CNTLN: variants seen among roughly 807,000 people sequenced by gnomAD.
CNTLN encodes the protein centlein, also known as centlein, centrosomal protein.
CNTLN carries 212 observed loss-of-function variants against 180.0 expected under a neutral mutation model. The ratio of observed to expected loss-of-function variants is 1.18; its 90% CI spans 1.05 to 1.32. The LOEUF (loss-of-function observed/expected upper bound fraction) is 1.32. CNTLN is among the 40% of genes most tolerant of loss of function. The pLI, the probability that CNTLN is intolerant of heterozygous loss-of-function variation, is 0.00. For synonymous variants in CNTLN, 722 were observed against 563.1 expected (o/e 1.28, Z -3.99); for missense variants, 2,095 against 1,610.9 (o/e 1.30, Z -5.14).
chr9:17,302,222 T>C (rs1480840331), intron 7 of CNTLN, among the ~76,000 whole-genome samples: 1 of 150,710 alleles, frequency 6.6e-6, no homozygotes, highest in African/African-American at 2.5e-5. Flanking sequence ...TTTTTGACAG[T>C]GTCTCACTCT....
At chr9:17,405,202 T>C (rs1477008821) in intron 15 of CNTLN, among the ~76,000 whole-genome samples, 2 of 151,728 alleles carry the variant, frequency 1.3e-5, no homozygotes, top group Non-Finnish European at 1.5e-5. Flanking sequence ...CTCACTGATA[T>C]TTAACTTCAG....
At chr9:17,232,855 T>C (rs969212281) in intron 3 of CNTLN, among the ~76,000 whole-genome samples, 1 of 151,878 alleles carries the variant, frequency 6.6e-6, no homozygotes, top group South Asian at 2.1e-4. Context: ...GGAAGTCGAG[T>C]CTTAAAGGGG....
At chr9:17,244,309 T>C (rs1356099259) in intron 5 of CNTLN, among the ~76,000 whole-genome samples, 3 of 151,902 alleles carry the variant, frequency 2.0e-5, no homozygotes, top group Non-Finnish European at 2.9e-5. Context: ...CCTCCTAGGC[T>C]CAAGCAATCC....
rs539582856 is a variant in CNTLN at position 17,174,644 on chromosome 9, C to T, written c.449+31268C>T. On this transcript the variant is annotated intron_variant, in intron 2 of 25. Transcript: ENST00000380647. ...CCGGGAGGCGGAGGTTGCAGTGAGC[C>T]GAGATTGTGCCACTGCACTCCAGCC... Among the ~76,000 whole-genome samples the T allele has an allele frequency of 1.5e-4, 23 of 150,814 alleles. No homozygotes were observed. The East Asian group carries it at 3.3e-3, about 22-fold the overall frequency.
At chr9:17,161,362 A>ATT (rs1340775222) in intron 2 of CNTLN, among the ~76,000 whole-genome samples, 3 of 152,136 alleles carry the variant, frequency 2.0e-5, no homozygotes, top group Non-Finnish European at 4.4e-5. Context: ...TTTCCTTGCT[A>ATT]TTATATATAA....
At chr9:17,400,852 A>G (rs1826917990) in intron 15 of CNTLN, among the ~76,000 whole-genome samples, 1 of 152,128 alleles carries the variant, frequency 6.6e-6, no homozygotes, top group Admixed American at 6.6e-5. Context: ...GTGTAGTCTC[A>G]CATAACAAAG....
chr9:17,187,037 T>G (rs1821474500), intron 2 of CNTLN, among the ~76,000 whole-genome samples: 1 of 152,066 alleles, frequency 6.6e-6, no homozygotes, highest in African/African-American at 2.4e-5. Flanking sequence ...ATACTTTACC[T>G]TGACCAGCAA....
intron 16 of CNTLN, among the ~76,000 whole-genome samples, chr9:17,414,005 G>C (rs1202780419): frequency 6.6e-6 from 1 of 152,190 alleles, no homozygotes; most frequent in African/African-American, 2.4e-5. Context: ...TGGTACATCT[G>C]TAACACAGGA....
intron 12 of CNTLN, among the ~76,000 whole-genome samples, chr9:17,357,516 A>G (rs964221166): frequency 1.3e-5 from 2 of 149,550 alleles, no homozygotes; most frequent in African/African-American, 2.4e-5. Context: ...ATTATTCTAA[A>G]TTTATTTACT....
intron 6 of CNTLN, among the ~76,000 whole-genome samples, chr9:17,295,023 G>C (rs1817763791): frequency 6.6e-6 from 1 of 151,828 alleles, no homozygotes; most frequent in Non-Finnish European, 1.5e-5. Context: ...AGCAGCGCCG[G>C]TGGGCCAACA....
intron 2 of CNTLN, among the ~76,000 whole-genome samples, chr9:17,153,635 G>A (rs555668120): frequency 4.6e-5 from 7 of 151,926 alleles, no homozygotes; most frequent in Non-Finnish European, 8.8e-5. Context: ...ATGTGTCTTG[G>A]GGTTGCTCTT....
chr9:17,220,742 C>T (rs1824076851), intron 2 of CNTLN, among the ~76,000 whole-genome samples: 1 of 152,170 alleles, frequency 6.6e-6, no homozygotes, highest in African/African-American at 2.4e-5. Context: ...TAATGACCTT[C>T]AGCTCCATCC....
At chr9:17,315,352 G>C (rs1343519534) in intron 8 of CNTLN, among the ~76,000 whole-genome samples, 2 of 151,978 alleles carry the variant, frequency 1.3e-5, no homozygotes, top group Non-Finnish European at 2.9e-5. Flanking sequence ...GTCTCTTATT[G>C]TTGCAACTTT....
chr9:17,263,273 G>A (rs980061806), intron 5 of CNTLN, among the ~76,000 whole-genome samples: 14 of 138,102 alleles, frequency 1.0e-4, no homozygotes, highest in African/African-American at 3.7e-4. Flanking sequence ...ATTCCCACCA[G>A]TGAGTGAGAA....
At chr9:17,198,676 C>T (rs1207435255) in intron 2 of CNTLN, among the ~76,000 whole-genome samples, 2 of 151,562 alleles carry the variant, frequency 1.3e-5, no homozygotes, top group African/African-American at 4.9e-5. Context: ...GTCTCCCTCC[C>T]CTTGCCCCCC....
chr9:17,435,994 A>C (rs1024262289), intron 18 of CNTLN, among the ~76,000 whole-genome samples: 3 of 152,156 alleles, frequency 2.0e-5, no homozygotes, highest in African/African-American at 7.2e-5. Context: ...AGGCTAGGGG[A>C]TATAAGAGAA....
intron 10 of CNTLN, among the ~76,000 whole-genome samples, chr9:17,336,961 T>A (rs1429968328): frequency 6.6e-6 from 1 of 152,194 alleles, no homozygotes; most frequent in Non-Finnish European, 1.5e-5. Context: ...TTTCTCCACA[T>A]CCTCTCTAGC....
intron 14 of CNTLN, among the ~76,000 whole-genome samples, chr9:17,391,284 C>T (rs1826092591): frequency 1.3e-5 from 2 of 152,134 alleles, no homozygotes; most frequent in South Asian, 4.1e-4. Context: ...TGAAAGTCTT[C>T]AAGGCAGAAC....
intron 2 of CNTLN, among the ~76,000 whole-genome samples, chr9:17,169,535 C>G (rs188097722): frequency 7.9e-5 from 12 of 152,168 alleles, no homozygotes; most frequent in African/African-American, 2.9e-4. Flanking sequence ...GATTTCAAGT[C>G]TTAGGATTAA....
Sources: gnomAD v4.1 joint callset for allele counts (sites outside exome capture counted in the v4.1 genomes callset) on GRCh38, gnomAD v4.1.1 for gene constraint, MANE v1.5 for transcripts, NCBI Gene and HGNC (gene_info 2026-07-23, HGNC 2026-07-21) for gene names.